The following IGF1R variants were observed in gnomAD, a reference collection of about 807,000 sequenced individuals.
The protein encoded by IGF1R is insulin-like growth factor 1 receptor.
A neutral mutation model predicts 144.6 loss-of-function variants in IGF1R; 44 were observed. The ratio of observed to expected loss-of-function variants is 0.30; its 90% CI spans 0.24 to 0.39. The LOEUF is 0.39. IGF1R is among the 10% of genes least tolerant of loss of function. The probability of loss-of-function intolerance (pLI) is 1.00; values close to 1 mark genes in which losing one functional copy is unlikely to be tolerated. For missense variants in IGF1R, 1,355 were observed against 1,833.7 expected, an observed-to-expected ratio of 0.74 and a Z score of 4.77; for synonymous variants, 795 against 722.8, an observed-to-expected ratio of 1.10 and a Z score of -1.60.
At chr15:98,830,083 C>T (rs1172819201) in intron 2 of IGF1R, among the ~76,000 whole-genome samples, 2 of 152,202 alleles carry the variant, frequency 1.3e-5, no homozygotes, top group Non-Finnish European at 2.9e-5. Flanking sequence ...CCTGCTGTGT[C>T]CCAACCTGGA....
At chr15:98,716,670 G>A (rs1204879418) in intron 2 of IGF1R, among the ~76,000 whole-genome samples, 2 of 152,194 alleles carry the variant, frequency 1.3e-5, no homozygotes, top group Non-Finnish European at 2.9e-5. Flanking sequence ...TGCGGGAGTA[G>A]GCAGAAGAAC....
At chr15:98,948,176 T>G (rs556741921) in intron 19 of IGF1R, among the ~76,000 whole-genome samples, 2 of 152,268 alleles carry the variant, frequency 1.3e-5, no homozygotes, top group South Asian at 4.1e-4. Context: ...GGCTGGGGCT[T>G]GGACAAGAAT....
chr15:98,895,473 G>GCC (rs1348603574), intron 3 of IGF1R, among the ~76,000 whole-genome samples: 2 of 152,064 alleles, frequency 1.3e-5, no homozygotes, highest in Non-Finnish European at 2.9e-5. Context: ...ACAACAGAAG[G>GCC]CCAAGTAAAA....
chr15:98,829,028 A>G (rs1278351153), intron 2 of IGF1R, among the ~76,000 whole-genome samples: 1 of 152,188 alleles, frequency 6.6e-6, no homozygotes, highest in African/African-American at 2.4e-5. Flanking sequence ...TCATTAAAAA[A>G]GTCCCCAAGG....
intron 1 of IGF1R, among the ~76,000 whole-genome samples, chr15:98,672,190 C>G (rs1464876544): frequency 1.3e-5 from 2 of 152,128 alleles, no homozygotes; most frequent in Non-Finnish European, 2.9e-5. Flanking sequence ...ATTCTTGCAA[C>G]AAAGGAGAAG....
rs560365809 is a variant in IGF1R, at chr15:98,885,524, G to A, written c.641-5801G>A. On this transcript the variant is annotated intron_variant, in intron 2 of 20. Transcript: ENST00000650285. ...ACTTTGGAGGTTGAAGCTCACTTTC[G>A]TGAAGTTAGGAGCGGTTAATCCTCC... Among the ~76,000 whole-genome samples, 14 of 151,734 alleles carry A rather than the reference G, an allele frequency of 9.2e-5. No homozygotes were observed. In the Middle Eastern group the frequency reaches 0.017, roughly 184 times the overall value.
In IGF1R at chr15:98,787,294, A is replaced by T. The variant is rs571036842; in HGVS notation, c.640+79187A>T. 3.3e-5 allele frequency among the ~76,000 whole-genome samples: 5 copies of T among 152,332 alleles called. No homozygotes were observed. The East Asian group carries it at 5.8e-4, about 18-fold the overall frequency. ...CAACCTGACTTTTGTTCATGACTATATTAGGGGCATGGATAGAAAGTGCCC... is the reference window on the plus strand; with the variant it reads ...CAACCTGACTTTTGTTCATGACTATTTTAGGGGCATGGATAGAAAGTGCCC... On this transcript the variant is annotated intron_variant, in intron 2 of 20. Transcript: ENST00000650285.
At chr15:98,922,100 C>A in intron 10 of IGF1R, 48 bp from the exon 11 acceptor site, 1 of 1,601,756 alleles carries the variant, frequency 6.2e-7, no homozygotes, top group Non-Finnish European at 8.6e-7. Flanking sequence ...ATAGAAAAGA[C>A]AAAAGAGGTA....
chr15:98,935,479 C>T lies in IGF1R; in HGVS notation c.3297+53C>T, dbSNP rs1231005185. 9.7e-7 allele frequency: 1 copy of T among 1,034,154 alleles called. No homozygotes were observed. The highest frequency in any genetic ancestry group is 1.6e-5 in the African/African-American group (1 of 62,990). The allele number at this position is 1,034,154 out of a possible 1,614,324, so 64.1% of individuals were successfully genotyped here. ...ATGTTGCCTGGCCTGCTCTCTTTTCCTTTATAATCTCCCTGCAAGGAAATG... is the reference window on the plus strand; with the variant it reads ...ATGTTGCCTGGCCTGCTCTCTTTTCTTTTATAATCTCCCTGCAAGGAAATG... On this transcript the variant is annotated intron_variant, in intron 17 of 20. Transcript: ENST00000650285. This position sits in a 1 kb window ranked among gnomAD's most constrained non-coding sequence, Gnocchi z 4.2.
intron 6 of IGF1R, among the ~76,000 whole-genome samples, chr15:98,910,672 C>G (rs1292981391): frequency 6.6e-6 from 1 of 152,268 alleles, no homozygotes; most frequent in Non-Finnish European, 1.5e-5. Context: ...GCCAGCCAGG[C>G]TACTTCCCAT....
chr15:98,804,981 C>T (rs2056441365), intron 2 of IGF1R, among the ~76,000 whole-genome samples: 1 of 152,222 alleles, frequency 6.6e-6, no homozygotes, highest in Non-Finnish European at 1.5e-5. Flanking sequence ...CAGGCATGAG[C>T]CGCCACTCCC....
intron 2 of IGF1R, among the ~76,000 whole-genome samples, chr15:98,842,862 G>A (rs764957619): frequency 6.6e-6 from 1 of 152,168 alleles, no homozygotes; most frequent in Non-Finnish European, 1.5e-5. Flanking sequence ...GCAGTGACTC[G>A]TTCACTTTGG....
chr15:98,907,379 C>A (rs756120794), intron 5 of IGF1R, among the ~76,000 whole-genome samples: 1 of 152,222 alleles, frequency 6.6e-6, no homozygotes, highest in Non-Finnish European at 1.5e-5. Flanking sequence ...CCAGGGCAGA[C>A]GAAGCCTTAG....
chr15:98,909,798 A>G (rs920311385), intron 6 of IGF1R, among the ~76,000 whole-genome samples: 3 of 152,236 alleles, frequency 2.0e-5, no homozygotes, highest in African/African-American at 7.2e-5. Context: ...TGAGAACAAT[A>G]TAATTACAGC....
chr15:98,661,915 T>TC (rs1274253049), intron 1 of IGF1R, among the ~76,000 whole-genome samples: 1 of 150,188 alleles, frequency 6.7e-6, no homozygotes, highest in East Asian at 2.0e-4. Flanking sequence ...CAGTCCTCCT[T>TC]CCCCACAACA....
intron 2 of IGF1R, among the ~76,000 whole-genome samples, chr15:98,806,792 C>T (rs2056481298): frequency 6.6e-6 from 1 of 152,170 alleles, no homozygotes; most frequent in African/African-American, 2.4e-5. Flanking sequence ...TAGGCCCATA[C>T]ATCCATAAAA....
chr15:98,690,476 C>T (rs1402697351), intron 1 of IGF1R, among the ~76,000 whole-genome samples: 1 of 152,262 alleles, frequency 6.6e-6, no homozygotes, highest in Admixed American at 6.5e-5. Flanking sequence ...TTTGCAGATA[C>T]TTGCTATGCA....
chr15:98,831,802 C>A (rs562452231), intron 2 of IGF1R, among the ~76,000 whole-genome samples: 1 of 152,256 alleles, frequency 6.6e-6, no homozygotes, highest in African/African-American at 2.4e-5. Flanking sequence ...GAACACGCTC[C>A]AGAGGCAGAA....
intron 2 of IGF1R, among the ~76,000 whole-genome samples, chr15:98,752,113 G>A (rs1047343761): frequency 6.6e-6 from 1 of 152,178 alleles, no homozygotes; most frequent in Non-Finnish European, 1.5e-5. Context: ...AAACCTTTCA[G>A]ACAGTTGCTC....
Sources: allele counts gnomAD v4.1 joint callset (sites outside exome capture counted in the v4.1 genomes callset), GRCh38; gene constraint gnomAD v4.1.1; non-coding constraint Gnocchi (gnomAD v3.1); transcripts MANE v1.5; gene names NCBI Gene and HGNC (gene_info 2026-07-23, HGNC 2026-07-21).